The following PPP1R3B variants were observed in gnomAD, a reference collection of about 807,000 sequenced individuals.
PPP1R3B encodes PP1 subunit R4.
In PPP1R3B, 8 loss-of-function variants were observed where a neutral mutation model predicts 14.6. The observed-to-expected ratio is 0.55, with a 90% CI of 0.32 to 0.99. The LOEUF (loss-of-function observed/expected upper bound fraction) is 0.99, where lower values mean the gene tolerates loss of function less well. Ranked by LOEUF, PPP1R3B falls within the 50% of genes least tolerant of loss-of-function variation. The pLI is 0.04. For missense variants in PPP1R3B, 452 were observed against 360.1 expected (o/e 1.26, Z -2.07); for synonymous variants, 169 against 142.0 (o/e 1.19, Z -1.35).
rs1480222945 is a variant in PPP1R3B, at chr8:9,137,145, T to C, written c.*3649A>G. ...TTTCTGGAGAACTGTACAGCTTCAT[T>C]ATTTCTCACCAGCTCCAGTAGAATA... On this transcript the variant is annotated 3_prime_UTR_variant, in exon 2 of 2. Coordinates refer to ENST00000310455, the MANE Select transcript of PPP1R3B (RefSeq NM_024607.4). 1 of 152,224 alleles carries C rather than the reference T, an allele frequency of 6.6e-6. No homozygotes were observed. The highest frequency in any genetic ancestry group is 1.5e-5 in the Non-Finnish European group (1 of 68,036). The allele number at this position is 152,224 out of a possible 1,614,324, so 9.4% of individuals were successfully genotyped here.
rs1403260892 is a variant in PPP1R3B at position 9,137,122 on chromosome 8, T to C, written c.*3672A>G. 6.6e-6 allele frequency: 1 copy of C among 152,246 alleles called. No individual in the cohort carries two copies. Among genetic ancestry groups the C allele is most frequent in the East Asian group, 1.9e-4 (1 of 5,200 alleles). 9.4% of individuals were successfully genotyped at this position (152,246 alleles called of 1,614,324 possible). On this transcript the variant is annotated 3_prime_UTR_variant, in exon 2 of 2. Transcript: ENST00000310455. The stretch of plus-strand genomic sequence containing the variant: ...CATTGACTCTGACATTGTTTTAATT[T>C]CTGGAGAACTGTACAGCTTCATTAT...
intron 1 of PPP1R3B, among the ~76,000 whole-genome samples, chr8:9,145,937 A>T (rs1379499374): frequency 6.6e-6 from 1 of 151,958 alleles, no homozygotes; most frequent in African/African-American, 2.4e-5. Flanking sequence ...TGGTGCAATC[A>T]TAGCTCACTG....
rs891480257 is a variant in PPP1R3B at position 9,140,917 on chromosome 8, C to A, written c.735G>T (p.Lys245Asn). 2 of 1,614,098 alleles carry A rather than the reference C, an allele frequency of 1.2e-6. No individual in the cohort carries two copies. Among genetic ancestry groups the A allele is most frequent in the African/African-American group, 2.7e-5 (2 of 74,920 alleles). ...AELKSTQGMTKPHSGPDLGIS... is the reference protein window; with the variant it reads ...AELKSTQGMTNPHSGPDLGIS... The stretch of plus-strand genomic sequence containing the variant: ...TTCCCAAATCCGGTCCACTGTGGGG[C>A]TTGGTCATTCCCTGGGTAGATTTTA... The change falls in exon 2 of 2, where the codon AAG becomes AAT. Residue 245 changes from lysine (K) to asparagine (N), a missense_variant. Transcript: ENST00000310455.
chr8:9,147,339 T>C (rs147556117), intron 1 of PPP1R3B, among the ~76,000 whole-genome samples: 113 of 152,188 alleles, frequency 7.4e-4, no homozygotes, highest in African/African-American at 2.6e-3. Context: ...CAAGAGGCTA[T>C]ATCTGGCATC....
intron 1 of PPP1R3B, among the ~76,000 whole-genome samples, chr8:9,148,424 T>A (rs1197771674): frequency 6.6e-6 from 1 of 152,178 alleles, no homozygotes; most frequent in Non-Finnish European, 1.5e-5. Flanking sequence ...GACATACATT[T>A]GAACCATGAG....
rs1166231124 is a variant in PPP1R3B, at chr8:9,137,769, G to A, written c.*3025C>T. 6.6e-6 allele frequency: 1 copy of A among 152,260 alleles called. No homozygotes were observed. The highest frequency in any genetic ancestry group is 1.5e-5 in the Non-Finnish European group (1 of 68,102). The allele number at this position is 152,260 out of a possible 1,614,324, so 9.4% of individuals were successfully genotyped here. A position where few individuals can be genotyped will look rare whatever the true frequency, so the allele number is the denominator to read the frequency against. ...AGTAGAGTCTTTTATTGGAGAAGAA[G>A]GGTCTTTGCGAGCAGGTGAGGACTT... is the stretch of plus-strand genomic sequence containing the variant. On this transcript the variant is annotated 3_prime_UTR_variant, in exon 2 of 2. Coordinates refer to ENST00000310455, the MANE Select transcript of PPP1R3B (RefSeq NM_024607.4).
In PPP1R3B at chr8:9,141,506, A is replaced by C. The variant is rs143979775; in HGVS notation, c.146T>G (p.Met49Arg). The C allele has an allele frequency of 6.2e-7, 1 of 1,614,150 alleles. No individual in the cohort carries two copies. Among genetic ancestry groups the C allele is most frequent in the East Asian group, 2.2e-5 (1 of 44,878 alleles). ...QLSSKNEASG[M>R]VAPAVQEKKV... Reference sequence around the variant, plus strand: ...CTTCTCCTGGACAGCCGGGGCCACCATTCCACTGGCTTCATTCTTGCTGCT... The same window carrying C: ...CTTCTCCTGGACAGCCGGGGCCACCCTTCCACTGGCTTCATTCTTGCTGCT... The change falls in exon 2 of 2, where the codon ATG (methionine) becomes AGG (arginine). Residue 49 changes from methionine to arginine, a missense_variant. Coordinates refer to ENST00000310455, the MANE Select transcript of PPP1R3B (RefSeq NM_024607.4).
chr8:9,142,596 C>T (rs914164871), intron 1 of PPP1R3B, among the ~76,000 whole-genome samples: 1 of 152,026 alleles, frequency 6.6e-6, no homozygotes, highest in African/African-American at 2.4e-5. Context: ...CCATATTGTA[C>T]ATCAGATCTC....
Position 9,140,527 on chromosome 8 carries a change from AGCACAGACGT to A in PPP1R3B, c.*257_*266del, listed in dbSNP as rs1268121927. ...CTTGATTCCCATCCATACCCTTTCC[AGCACAGACGT>A]GCACAGACTCTCGTGGCTGCCACAG... On this transcript the variant is annotated 3_prime_UTR_variant, in exon 2 of 2. Coordinates refer to ENST00000310455, the MANE Select transcript of PPP1R3B (RefSeq NM_024607.4). 2.0e-5 allele frequency: 10 copies of A among 510,820 alleles called. No homozygotes were observed. The highest frequency in any genetic ancestry group is 1.3e-4 in the African/African-American group (6 of 47,622). The allele number at this position is 510,820 out of a possible 1,614,324, so 31.6% of individuals were successfully genotyped here. A position where few individuals can be genotyped will look rare whatever the true frequency, so the allele number is the denominator to read the frequency against.
At chr8:9,142,850 T>A (rs540404552) in intron 1 of PPP1R3B, among the ~76,000 whole-genome samples, 9 of 152,336 alleles carry the variant, frequency 5.9e-5, no homozygotes, top group African/African-American at 2.2e-4. Flanking sequence ...CCTTCTTTCT[T>A]CAGGTAGAAT....
At position 9,141,330 on chromosome 8, in the gene PPP1R3B, C is replaced by G. The variant is rs768143965; in HGVS notation, c.322G>C (p.Glu108Gln). 47 of 1,614,038 alleles carry G rather than the reference C, an allele frequency of 2.9e-5. No homozygotes were observed. The highest frequency in any genetic ancestry group is 3.7e-5 in the Non-Finnish European group (44 of 1,180,048). The change falls in exon 2 of 2, where the codon GAG becomes CAG. Residue 108 changes from glutamate to glutamine, a missense_variant. Coordinates refer to ENST00000310455, the MANE Select transcript of PPP1R3B (RefSeq NM_024607.4). ...NIVSLTTAES[E>Q]SFVLDFSQPS... is the part of the protein sequence containing the mutation. ...TGGGAAAAATCCAGAACAAAGCTCT[C>G]GCTCTCTGCTGTCGTCAAGCTCACA...
At chr8:9,150,227 C>T (rs1480966623) in intron 1 of PPP1R3B, among the ~76,000 whole-genome samples, 2 of 152,152 alleles carry the variant, frequency 1.3e-5, no homozygotes, top group Non-Finnish European at 2.9e-5. Context: ...GGCAGGCCCC[C>T]GCCACTCAGA....
At chr8:9,147,997 G>C (rs1299323699) in intron 1 of PPP1R3B, among the ~76,000 whole-genome samples, 19 of 152,180 alleles carry the variant, frequency 1.2e-4, no homozygotes. Flanking sequence ...CTCAATCTGG[G>C]GTATGACTCG....
Position 9,136,664 on chromosome 8 carries a change from A to T in PPP1R3B, c.*4130T>A, listed in dbSNP as rs1800900380. The T allele has an allele frequency of 6.6e-6, 1 of 152,252 alleles. No individual in the cohort carries two copies. Among genetic ancestry groups the T allele is most frequent in the Non-Finnish European group, 1.5e-5 (1 of 68,048 alleles). 9.4% of individuals were successfully genotyped at this position (152,252 alleles called of 1,614,324 possible). A position where few individuals can be genotyped will look rare whatever the true frequency, so the allele number is the denominator to read the frequency against. ...AGTTCCACATGTGTTGTCTCACTGC[A>T]GGAAATTAAGATAAGCTGCCAAATT... On this transcript the variant is annotated 3_prime_UTR_variant, in exon 2 of 2. Transcript: ENST00000310455.
In PPP1R3B at chr8:9,140,942, A is replaced by G. The variant is rs770120606; in HGVS notation, c.710T>C (p.Leu237Ser). Residue 237 changes from leucine (L) to serine (S), a missense_variant, in exon 2 of 2, where the codon TTA (leucine) becomes TCA (serine). Coordinates refer to ENST00000310455, the MANE Select transcript of PPP1R3B (RefSeq NM_024607.4). ...GKNYRIIRAE[L>S]KSTQGMTKPH... is the part of the protein sequence containing the mutation. ...CTTGGTCATTCCCTGGGTAGATTTT[A>G]ACTCAGCCCGGATGATCCTATAGTT... 1 of 1,614,160 alleles carries G rather than the reference A, an allele frequency of 6.2e-7. No individual in the cohort carries two copies. Among genetic ancestry groups the G allele is most frequent in the East Asian group, 2.2e-5 (1 of 44,884 alleles).
Position 9,140,542 on chromosome 8 carries a change from A to T in PPP1R3B, c.*252T>A. ...TACCCTTTCCAGCACAGACGTGCAC[A>T]GACTCTCGTGGCTGCCACAGTGCGA... On this transcript the variant is annotated 3_prime_UTR_variant, in exon 2 of 2. Coordinates refer to ENST00000310455, the MANE Select transcript of PPP1R3B (RefSeq NM_024607.4). 1.8e-6 allele frequency: 1 copy of T among 545,554 alleles called. No homozygotes were observed. Among genetic ancestry groups the T allele is most frequent in the Non-Finnish European group, 3.3e-6 (1 of 306,900 alleles). The allele number at this position is 545,554 out of a possible 1,614,324, so 33.8% of individuals were successfully genotyped here.
chr8:9,140,682 G>C lies in PPP1R3B; in HGVS notation c.*112C>G. ...GAGGATCCTTTTATTTTCCCAAACG[G>C]GGCCTCATGGAAGTTCCACGTTGCT... On this transcript the variant is annotated 3_prime_UTR_variant, in exon 2 of 2. Coordinates refer to ENST00000310455, the MANE Select transcript of PPP1R3B (RefSeq NM_024607.4). 9.0e-7 allele frequency: 1 copy of C among 1,111,362 alleles called. No individual in the cohort carries two copies. Among genetic ancestry groups the C allele is most frequent in the Non-Finnish European group, 1.3e-6 (1 of 779,038 alleles). The allele number at this position is 1,111,362 out of a possible 1,614,324, so 68.8% of individuals were successfully genotyped here. A position where few individuals can be genotyped will look rare whatever the true frequency, so the allele number is the denominator to read the frequency against.
At position 9,140,770 on chromosome 8, in the gene PPP1R3B, G is replaced by A. The variant is rs376897753; in HGVS notation, c.*24C>T. ...AGCTAGGCTTGTCTGTGGCAGCTCC[G>A]CCACGCCCTGTCACCTGCAGTCACT... On this transcript the variant is annotated 3_prime_UTR_variant, in exon 2 of 2. Coordinates refer to ENST00000310455, the MANE Select transcript of PPP1R3B (RefSeq NM_024607.4). 349 of 1,608,820 alleles carry A rather than the reference G, an allele frequency of 2.2e-4. 1 individual carries two copies. In the African/African-American group the frequency reaches 3.2e-3, roughly 15 times the overall value.
Position 9,141,069 on chromosome 8 carries a change from C to G in PPP1R3B, c.583G>C (p.Asp195His), listed in dbSNP as rs759245095. The G allele has an allele frequency of 1.1e-5, 17 of 1,614,148 alleles. No individual in the cohort carries two copies. The Middle Eastern group carries it at 6.6e-4, about 63-fold the overall frequency. Residue 195 changes from aspartate to histidine, a missense_variant, in exon 2 of 2, where the codon GAC (aspartate) becomes CAC (histidine). Transcript: ENST00000310455. ...AGSDRDTFSF[D>H]ISLPEKIQSY... Reference sequence around the variant, plus strand: ...TGAATCTTCTCGGGCAAGCTGATGTCGAAGGAGAACGTGTCCCTGTCTGAA... The same window carrying G: ...TGAATCTTCTCGGGCAAGCTGATGTGGAAGGAGAACGTGTCCCTGTCTGAA...
Sources: allele counts gnomAD v4.1 joint callset (sites outside exome capture counted in the v4.1 genomes callset), GRCh38; gene constraint gnomAD v4.1.1; transcripts MANE v1.5; gene names NCBI Gene and HGNC (gene_info 2026-07-23, HGNC 2026-07-21).